CHRM3: variants seen among roughly 807,000 people sequenced by gnomAD.
CHRM3 encodes cholinergic receptor muscarinic 3.
Under a neutral mutation model 41.8 loss-of-function variants are expected in CHRM3, and 11 were observed. That is an observed-to-expected ratio of 0.26 (90% CI 0.17 to 0.44). The LOEUF is 0.44. CHRM3 is among the 20% of genes least tolerant of loss of function. CHRM3 has a pLI of 1.00. For missense variants in CHRM3, 571 were observed against 745.4 expected (o/e 0.77, Z 2.72); for synonymous variants, 297 against 301.4 (o/e 0.99, Z 0.15).
intron 4 of CHRM3, among the ~76,000 whole-genome samples, chr1:239,637,098 T>C (rs1422991271): frequency 6.6e-6 from 1 of 152,202 alleles, no homozygotes; most frequent in East Asian, 1.9e-4. Context: ...TAAAGTCTTT[T>C]CAAAGATTTT....
intron 5 of CHRM3, among the ~76,000 whole-genome samples, chr1:239,788,363 T>C (rs74900359): frequency 5.3e-5 from 8 of 152,232 alleles, no homozygotes; most frequent in Non-Finnish European, 8.8e-5. Context: ...AGATTTTTTT[T>C]GCATGTTGTA....
intron 5 of CHRM3, among the ~76,000 whole-genome samples, chr1:239,743,788 CTTTTTTTTTTT>C (rs10718514): frequency 1.6e-4 from 13 of 81,186 alleles, no homozygotes; most frequent in East Asian, 6.7e-4. Flanking sequence ...TTTTTTTTTT[CTTTTTTTTTTT>C]TTTTTTTTTT....
intron 5 of CHRM3, among the ~76,000 whole-genome samples, chr1:239,680,100 A>C (rs748211474): frequency 6.6e-6 from 1 of 152,130 alleles, no homozygotes; most frequent in Admixed American, 6.6e-5. Flanking sequence ...TCCAAGTCAC[A>C]TACATCACTT....
At chr1:239,736,836 A>C (rs1304645442) in intron 5 of CHRM3, among the ~76,000 whole-genome samples, 1 of 152,196 alleles carries the variant, frequency 6.6e-6, no homozygotes, top group Non-Finnish European at 1.5e-5. Flanking sequence ...AAATGGCTGC[A>C]ACTTAAAATA....
At chr1:239,864,572 A>T (rs1675933933) in intron 6 of CHRM3, among the ~76,000 whole-genome samples, 1 of 152,054 alleles carries the variant, frequency 6.6e-6, no homozygotes, top group Admixed American at 6.6e-5. Flanking sequence ...ATACATATAT[A>T]CATATATATG....
intron 3 of CHRM3, among the ~76,000 whole-genome samples, chr1:239,567,311 A>AG (rs1302598144): frequency 6.6e-6 from 1 of 151,620 alleles, no homozygotes; most frequent in African/African-American, 2.4e-5. Flanking sequence ...ATCTGAAAAA[A>AG]AAAAAAAGCA....
chr1:239,558,171 G>T (rs1660542489), intron 3 of CHRM3, among the ~76,000 whole-genome samples: 1 of 152,044 alleles, frequency 6.6e-6, no homozygotes, highest in South Asian at 2.1e-4. Flanking sequence ...TTTAATAATT[G>T]TCATTCTGAC....
At chr1:239,791,595 A>T (rs1336594159) in intron 5 of CHRM3, among the ~76,000 whole-genome samples, 1 of 152,224 alleles carries the variant, frequency 6.6e-6, no homozygotes, top group African/African-American at 2.4e-5. Context: ...AGGCAAGGAT[A>T]CATTTTCCCT....
At chr1:239,866,249 C>G (rs545422391) in intron 6 of CHRM3, among the ~76,000 whole-genome samples, 2 of 151,998 alleles carry the variant, frequency 1.3e-5, no homozygotes, top group Non-Finnish European at 2.9e-5. Flanking sequence ...TGGTGGCGGG[C>G]ACCTGTAGTC....
At chr1:239,732,146 A>T (rs1268917454) in intron 5 of CHRM3, among the ~76,000 whole-genome samples, 3 of 152,010 alleles carry the variant, frequency 2.0e-5, no homozygotes, top group Admixed American at 2.0e-4. Context: ...AATGATTCAA[A>T]TGAAGTCTCT....
At chr1:239,864,519 TACACACACACACAC>T (rs199613762) in intron 6 of CHRM3, among the ~76,000 whole-genome samples, 5,828 of 148,124 alleles carry the variant, frequency 0.039, 138 homozygotes, top group East Asian at 0.064. Context: ...AAACAGAAAA[TACACACACACACAC>T]ACACACACAC....
intron 1 of CHRM3, among the ~76,000 whole-genome samples, chr1:239,395,369 G>A (rs1258440046): frequency 6.6e-6 from 1 of 151,954 alleles, no homozygotes; most frequent in Non-Finnish European, 1.5e-5. Context: ...TCCTCATCCT[G>A]TTCCCCTCCT....
At chr1:239,467,980 G>A (rs1391856601) in intron 1 of CHRM3, among the ~76,000 whole-genome samples, 2 of 152,012 alleles carry the variant, frequency 1.3e-5, no homozygotes, top group Non-Finnish European at 2.9e-5. Context: ...GTGTTAAAGA[G>A]CTCTGAGTGC....
intron 2 of CHRM3, among the ~76,000 whole-genome samples, chr1:239,514,756 T>C (rs1669147161): frequency 1.3e-5 from 2 of 152,008 alleles, no homozygotes; most frequent in African/African-American, 4.8e-5. Flanking sequence ...GTTTGTGGAG[T>C]TTCCAGGTAG....
At chr1:239,407,417 T>TATATATATATATATAGAGAGAGAG in intron 1 of CHRM3, among the ~76,000 whole-genome samples, 1 of 134,212 alleles carries the variant, frequency 7.5e-6, no homozygotes, top group African/African-American at 2.5e-5. Flanking sequence ...TATATATATA[T>TATATATATATATATAGAGAGAGAG]AGAGAGAGAG....
chr1:239,395,328 T>A (rs562240570), intron 1 of CHRM3, among the ~76,000 whole-genome samples: 12 of 152,326 alleles, frequency 7.9e-5, no homozygotes, highest in African/African-American at 2.6e-4. Context: ...TTCCATGTGC[T>A]TGCTGGATAG....
rs1036129954 is a variant in CHRM3 at position 239,824,337 on chromosome 1, C to G, written c.-146-2915C>G. Among the ~76,000 whole-genome samples, 6 of 152,236 alleles carry G rather than the reference C, an allele frequency of 3.9e-5. No individual in the cohort carries two copies. The East Asian group carries it at 1.2e-3, about 29-fold the overall frequency. On this transcript the variant is annotated intron_variant, in intron 5 of 6. Coordinates refer to ENST00000676153, the MANE Select transcript of CHRM3 (RefSeq NM_001375978.1). The stretch of plus-strand genomic sequence containing the variant: ...ACAAGGTGGACTCGGTGCCTTCAAT[C>G]GAGGTGTTTCAATGTGCAAATGTAG...
At chr1:239,438,815 G>A (rs1039594822) in intron 1 of CHRM3, among the ~76,000 whole-genome samples, 7 of 152,170 alleles carry the variant, frequency 4.6e-5, no homozygotes, top group African/African-American at 1.7e-4. Flanking sequence ...CAGTAGTGAT[G>A]TGCTGCTGAA....
At chr1:239,870,275 G>A (rs569226941) in intron 6 of CHRM3, among the ~76,000 whole-genome samples, 2 of 152,186 alleles carry the variant, frequency 1.3e-5, no homozygotes, top group Non-Finnish European at 2.9e-5. Context: ...GAAGGCAAGC[G>A]CTGAGCCAGC....
Sources: allele counts gnomAD v4.1 joint callset (sites outside exome capture counted in the v4.1 genomes callset), GRCh38; gene constraint gnomAD v4.1.1; transcripts MANE v1.5; gene names NCBI Gene and HGNC (gene_info 2026-07-23, HGNC 2026-07-21).